NOX4: variants seen among roughly 807,000 people sequenced by gnomAD.
The protein encoded by NOX4 is kidney oxidase-1.
In NOX4, 69 loss-of-function variants were observed where a neutral mutation model predicts 87.6. The ratio of observed to expected loss-of-function variants is 0.79; its 90% CI spans 0.65 to 0.96. The LOEUF (loss-of-function observed/expected upper bound fraction) is 0.96. NOX4 is among the 40% of genes least tolerant of loss of function. The probability of loss-of-function intolerance (pLI) is 0.00; values close to 1 mark genes in which losing one functional copy is unlikely to be tolerated. For missense variants in NOX4, 680 were observed against 681.5 expected (o/e 1.00, Z 0.02); for synonymous variants, 275 against 238.2 (o/e 1.15, Z -1.42).
At chr11:89,397,203 T>G (rs1941551985) in intron 11 of NOX4, among the ~76,000 whole-genome samples, 1 of 152,136 alleles carries the variant, frequency 6.6e-6, no homozygotes. Flanking sequence ...CTGAACAAAC[T>G]GCTCCTGAAT....
the NOX4 span, among the ~76,000 whole-genome samples, chr11:89,539,622 T>C: frequency 6.6e-6 from 1 of 152,086 alleles, no homozygotes; most frequent in Admixed American, 6.6e-5. Flanking sequence ...ACCCTCTTTC[T>C]CTTTCTTTCT....
chr11:89,496,773 G>GCT (rs1286966540), upstream of NOX4, among the ~76,000 whole-genome samples: 1 of 151,980 alleles, frequency 6.6e-6, no homozygotes, highest in African/African-American at 2.4e-5. Flanking sequence ...TTCCAAAGAA[G>GCT]CTCTCTCTCT....
At chr11:89,493,852 C>A (rs1946919103), upstream of NOX4, among the ~76,000 whole-genome samples, 1 of 151,830 alleles carries the variant, frequency 6.6e-6, no homozygotes, top group Non-Finnish European at 1.5e-5. Flanking sequence ...TGGGTTCAAG[C>A]AATTCTCTCA....
chr11:89,432,834 G>A lies in NOX4; in HGVS notation c.498C>T (p.Cys166=), dbSNP rs747784129. The A allele has an allele frequency of 1.9e-6, 3 of 1,610,912 alleles. No individual in the cohort carries two copies. In the African/African-American group the frequency reaches 4.0e-5, roughly 22 times the overall value. ...FTTVPGLTGV[C]MVVVLFLMIT... ...TCATGAGGAATAGCACCACCACCAT[G>A]CAGACCCCTGTCAGGCCAGGAACTA... Residue 166 remains cysteine, a synonymous_variant, in exon 7 of 18, where the codon TGC becomes TGT. Transcript: ENST00000263317.
chr11:89,440,764 A>T, intron 5 of NOX4, 49 bp from the exon 6 acceptor site: 1 of 1,089,666 alleles, frequency 9.2e-7, no homozygotes, highest in Non-Finnish European at 1.3e-6. Context: ...AGCACTGATG[A>T]TATATAATTC....
the NOX4 span, among the ~76,000 whole-genome samples, chr11:89,514,609 A>T: frequency 2.0e-5 from 3 of 151,900 alleles, no homozygotes; most frequent in African/African-American, 7.2e-5. Flanking sequence ...ACTTCTTATG[A>T]TGTTAGCTCT....
At chr11:89,495,226 C>A (rs1348237546), upstream of NOX4, among the ~76,000 whole-genome samples, 2 of 152,218 alleles carry the variant, frequency 1.3e-5, no homozygotes, top group African/African-American at 2.4e-5. Flanking sequence ...ATCCACCAGA[C>A]TCAGCCTCCC....
chr11:89,388,652 C>T (rs572162), intron 11 of NOX4, among the ~76,000 whole-genome samples: 3,157 of 151,818 alleles, frequency 0.021, 109 homozygotes, highest in African/African-American at 0.073. Context: ...GGAAACCTAA[C>T]CTAAAACGTC....
chr11:89,333,613 C>T (rs1294658569), intron 17 of NOX4, among the ~76,000 whole-genome samples: 2 of 151,734 alleles, frequency 1.3e-5, no homozygotes. Context: ...GTTGCCCAAC[C>T]CATGATATTT....
intron 13 of NOX4, 58 bp downstream of exon 13, chr11:89,354,904 T>C: frequency 8.2e-6 from 9 of 1,096,596 alleles, no homozygotes; most frequent in Non-Finnish European, 1.2e-5. Flanking sequence ...CCTGCCCAAA[T>C]CTCTCCCAGC....
the NOX4 span, among the ~76,000 whole-genome samples, chr11:89,585,722 A>T: frequency 3.0e-4 from 46 of 152,220 alleles, no homozygotes; most frequent in Non-Finnish European, 5.7e-4. Context: ...ACAAAAGCAA[A>T]CGATTGAGTC....
At chr11:89,502,094 T>C (rs1166711400), upstream of NOX4, among the ~76,000 whole-genome samples, 1 of 152,042 alleles carries the variant, frequency 6.6e-6, no homozygotes, top group Non-Finnish European at 1.5e-5. Context: ...CAGCAGTAAC[T>C]GAATAAGATT....
intron 2 of NOX4, among the ~76,000 whole-genome samples, chr11:89,486,026 A>T (rs1217526565): frequency 6.6e-6 from 1 of 152,004 alleles, no homozygotes; most frequent in East Asian, 1.9e-4. Context: ...AAACATATTA[A>T]TCCCAATGTT....
chr11:89,363,629 G>C (rs1847137), intron 12 of NOX4, among the ~76,000 whole-genome samples: 36,740 of 151,894 alleles, frequency 0.24, 4,949 homozygotes, highest in East Asian at 0.38. Context: ...TCAAAATTTG[G>C]TATTTATTTT....
chr11:89,583,986 C>T, the NOX4 span, among the ~76,000 whole-genome samples: 1 of 152,080 alleles, frequency 6.6e-6, no homozygotes, highest in South Asian at 2.1e-4. Context: ...TGGTTAAAAT[C>T]AATGATGCCT....
At chr11:89,429,241 T>C (rs1359352091) in intron 7 of NOX4, among the ~76,000 whole-genome samples, 2 of 152,096 alleles carry the variant, frequency 1.3e-5, no homozygotes, top group South Asian at 2.1e-4. Context: ...GCACTAAATG[T>C]CCACAAGAGA....
chr11:89,433,134 T>C (rs1476727407), intron 6 of NOX4, among the ~76,000 whole-genome samples: 2 of 152,050 alleles, frequency 1.3e-5, no homozygotes, highest in Non-Finnish European at 1.5e-5. Flanking sequence ...AATTAGCATA[T>C]CCATCCATCA....
At chr11:89,560,729 C>A in the NOX4 span, among the ~76,000 whole-genome samples, 3 of 151,572 alleles carry the variant, frequency 2.0e-5, no homozygotes, top group Non-Finnish European at 1.5e-5. Flanking sequence ...CCCTTCTTCT[C>A]CTGCCTTTGG....
intron 2 of NOX4, among the ~76,000 whole-genome samples, chr11:89,482,074 T>C (rs1257576100): frequency 2.0e-5 from 3 of 152,022 alleles, no homozygotes; most frequent in Non-Finnish European, 4.4e-5. Context: ...ATTTTCTTCT[T>C]TGAGGTAATG....
Sources: gnomAD v4.1 joint callset for allele counts (sites outside exome capture counted in the v4.1 genomes callset) on GRCh38, gnomAD v4.1.1 for gene constraint, MANE v1.5 for transcripts, NCBI Gene and HGNC (gene_info 2026-07-23, HGNC 2026-07-21) for gene names.